The following PRPF39 variants were observed in gnomAD, a reference collection of about 807,000 sequenced individuals.
The protein encoded by PRPF39 is pre-mRNA processing factor 39.
A neutral mutation model predicts 82.1 loss-of-function variants in PRPF39; 27 were observed. The observed-to-expected ratio is 0.33, with a 90% confidence interval of 0.24 to 0.45. The LOEUF is 0.45. Among genes scored for constraint, PRPF39 ranks in the 20% least tolerant of loss-of-function variants. The pLI is 1.00. For synonymous variants in PRPF39, 261 were observed against 256.4 expected (o/e 1.02, Z -0.17); for missense variants, 581 against 796.9 (o/e 0.73, Z 3.26).
chr14:45,100,845 T>A (rs1219951402), intron 4 of PRPF39, among the ~76,000 whole-genome samples: 1 of 152,214 alleles, frequency 6.6e-6, no homozygotes, highest in African/African-American at 2.4e-5. Flanking sequence ...TCTTACTGGT[T>A]CCTGAGTTTT....
chr14:45,110,619 T>C lies in PRPF39; in HGVS notation c.1374T>C (p.Arg458=). Residue 458 remains arginine, a synonymous_variant, in exon 10 of 14, where the codon CGT becomes CGC. Coordinates refer to ENST00000355765, the MANE Select transcript of PRPF39 (RefSeq NM_017922.4). The surrounding 1 kb of genome is among the most constrained non-coding windows in gnomAD (Gnocchi z 4.0). The part of the protein sequence containing the change: ...EECVLGLAMV[R]LRRVSLERRH... ...GTGTTCTAGGATTGGCAATGGTTCG[T>C]TTACGAAGAGTAAGTTTAGAACGAC... 6.4e-7 allele frequency: 1 copy of C among 1,573,668 alleles called. No homozygotes were observed. Among genetic ancestry groups the C allele is most frequent in the South Asian group, 1.2e-5 (1 of 85,822 alleles).
chr14:45,085,624 A>G (rs1883799918), intron 1 of PRPF39, among the ~76,000 whole-genome samples: 1 of 152,224 alleles, frequency 6.6e-6, no homozygotes, highest in African/African-American at 2.4e-5. Flanking sequence ...GTAAATACAT[A>G]TACAAAATCT....
intron 1 of PRPF39, among the ~76,000 whole-genome samples, chr14:45,089,075 T>G (rs952837784): frequency 6.6e-6 from 1 of 152,248 alleles, no homozygotes; most frequent in Non-Finnish European, 1.5e-5. Flanking sequence ...GATTGTGTCC[T>G]TTTATGCACA....
chr14:45,100,009 C>T (rs1213332695), intron 4 of PRPF39, among the ~76,000 whole-genome samples: 2 of 152,142 alleles, frequency 1.3e-5, no homozygotes, highest in Non-Finnish European at 2.9e-5. Context: ...CAGTGGATCA[C>T]TTGAGGTCAG....
intron 5 of PRPF39, among the ~76,000 whole-genome samples, chr14:45,103,940 A>G (rs1007099307): frequency 1.3e-5 from 2 of 152,172 alleles, no homozygotes; most frequent in Non-Finnish European, 2.9e-5. Context: ...AGCATTTTCT[A>G]TATCCCAGAC....
chr14:45,115,359 G>T lies in PRPF39; in HGVS notation c.*446G>T, dbSNP rs897297821. 1 of 148,102 alleles carries T rather than the reference G, an allele frequency of 6.8e-6. No homozygotes were observed. Among genetic ancestry groups the T allele is most frequent in the Non-Finnish European group, 1.5e-5 (1 of 67,416 alleles). 9.2% of individuals were successfully genotyped at this position (148,102 alleles called of 1,614,324 possible). A position where few individuals can be genotyped will look rare whatever the true frequency, so the allele number is the denominator to read the frequency against. ...TGCTGACAAGGTTTTGTCTGTTTCA[G>T]TTATACTTGTGAATTGTGATCTAAC... On this transcript the variant is annotated 3_prime_UTR_variant, in exon 14 of 14. Transcript: ENST00000355765.
intron 5 of PRPF39, among the ~76,000 whole-genome samples, chr14:45,106,936 C>G (rs1010444283): frequency 6.6e-6 from 1 of 152,062 alleles, no homozygotes; most frequent in Non-Finnish European, 1.5e-5. Context: ...TTTTTGCGTA[C>G]TCACATGTGG....
chr14:45,104,432 T>G (rs917317003), intron 5 of PRPF39, among the ~76,000 whole-genome samples: 5 of 148,944 alleles, frequency 3.4e-5, no homozygotes, highest in African/African-American at 1.2e-4. Flanking sequence ...GAATGTTTTG[T>G]TTTTTTTTTC....
intron 1 of PRPF39, among the ~76,000 whole-genome samples, chr14:45,094,549 G>A (rs932725695): frequency 1.3e-5 from 2 of 152,054 alleles, no homozygotes; most frequent in Non-Finnish European, 2.9e-5. Context: ...CTGCAGCTGT[G>A]TGCCACCATG....
intron 1 of PRPF39, among the ~76,000 whole-genome samples, chr14:45,091,600 G>T (rs1044266128): frequency 6.6e-6 from 1 of 152,022 alleles, no homozygotes; most frequent in Non-Finnish European, 1.5e-5. Context: ...GGCTTTCTTA[G>T]TTTACGAAGA....
intron 3 of PRPF39, 69 bp from the exon 4 acceptor site, chr14:45,096,818 A>G: frequency 1.3e-6 from 2 of 1,539,670 alleles, no homozygotes. Flanking sequence ...TTCACCGGAT[A>G]ACACAGTGTT....
At chr14:45,085,909 T>C (rs1358562340) in intron 1 of PRPF39, among the ~76,000 whole-genome samples, 3 of 151,570 alleles carry the variant, frequency 2.0e-5, no homozygotes, top group Non-Finnish European at 4.4e-5. Context: ...AATTTTTAAG[T>C]ACCTCTACAG....
At position 45,115,839 on chromosome 14, in the gene PRPF39, T is replaced by G. The variant is rs571118022; in HGVS notation, c.*926T>G. On this transcript the variant is annotated 3_prime_UTR_variant, in exon 14 of 14. Transcript: ENST00000355765. ...GGAGTTACTCCCTGGTTTGATGAGG[T>G]CCTTAGTTCCAATTCCCTAATCAGA... 6.5e-5 allele frequency: 11 copies of G among 168,462 alleles called. No homozygotes were observed. Among genetic ancestry groups the G allele is most frequent in the Non-Finnish European group, 1.3e-4 (10 of 78,202 alleles). 10.4% of individuals were successfully genotyped at this position (168,462 alleles called of 1,614,324 possible).
rs371756900 is a variant in PRPF39 at position 45,116,242 on chromosome 14, T to C, written c.*1329T>C. On this transcript the variant is annotated 3_prime_UTR_variant, in exon 14 of 14. Coordinates refer to ENST00000355765, the MANE Select transcript of PRPF39 (RefSeq NM_017922.4). ...TCCACTTCAAAAGTGAGTTTTGCATTTGGTGGAATTCTGTTGAAGAAGTCA... is the reference window on the plus strand; with the variant it reads ...TCCACTTCAAAAGTGAGTTTTGCATCTGGTGGAATTCTGTTGAAGAAGTCA... 3 of 1,612,656 alleles carry C rather than the reference T, an allele frequency of 1.9e-6. No individual in the cohort carries two copies. The African/African-American group carries it at 4.0e-5, about 22-fold the overall frequency.
At chr14:45,113,626 G>C (rs1256287791) in intron 11 of PRPF39, among the ~76,000 whole-genome samples, 1 of 152,204 alleles carries the variant, frequency 6.6e-6, no homozygotes, top group Non-Finnish European at 1.5e-5. Flanking sequence ...GTAAGTGTAT[G>C]AGGTAGCAAA....
At chr14:45,086,034 C>G (rs1401769966) in intron 1 of PRPF39, among the ~76,000 whole-genome samples, 1 of 152,158 alleles carries the variant, frequency 6.6e-6, no homozygotes, top group African/African-American at 2.4e-5. Flanking sequence ...ACCTCCGCCT[C>G]CCGGGTTCAA....
chr14:45,105,934 GA>G (rs2139058445), intron 5 of PRPF39, among the ~76,000 whole-genome samples: 1 of 152,258 alleles, frequency 6.6e-6, no homozygotes, highest in South Asian at 2.1e-4. Context: ...TAAAAGTCCC[GA>G]GGTGATGAAC....
At chr14:45,112,161 C>T (rs1392800426) in intron 10 of PRPF39, among the ~76,000 whole-genome samples, 157 bp from the exon 11 acceptor site, 3 of 151,888 alleles carry the variant, frequency 2.0e-5, no homozygotes, top group African/African-American at 7.3e-5. Context: ...ATTTTTTCAC[C>T]CCTTTAGATA....
Position 45,110,280 on chromosome 14 carries a change from GA to G in PRPF39, c.1303+61del. 1.9e-6 allele frequency: 3 copies of G among 1,593,130 alleles called. No homozygotes were observed. Among genetic ancestry groups the G allele is most frequent in the Non-Finnish European group, 2.6e-6 (3 of 1,165,250 alleles). The stretch of plus-strand genomic sequence containing the variant: ...ATTTTAAGTTATTTCAGGAAACAGT[GA>G]CAAATTGAGTGGTAAGGGATGGTGT... On this transcript the variant is annotated intron_variant, in intron 9 of 13. Transcript: ENST00000355765. This position sits in a 1 kb window ranked among gnomAD's most constrained non-coding sequence, Gnocchi z 4.0.
Sources: gnomAD v4.1 joint callset for allele counts (sites outside exome capture counted in the v4.1 genomes callset) on GRCh38, gnomAD v4.1.1 for gene constraint, Gnocchi (gnomAD v3.1) non-coding constraint, MANE v1.5 for transcripts, NCBI Gene and HGNC (gene_info 2026-07-23, HGNC 2026-07-21) for gene names.